SLIT3: variants seen among roughly 807,000 people sequenced by gnomAD.
The protein encoded by SLIT3 is slit homolog 3 protein.
A neutral mutation model predicts 184.0 loss-of-function variants in SLIT3; 68 were observed. The ratio of observed to expected loss-of-function variants is 0.37; its 90% confidence interval spans 0.30 to 0.45. SLIT3 has a LOEUF of 0.45. Among genes scored for constraint, SLIT3 ranks in the 20% least tolerant of loss-of-function variants. SLIT3 has a pLI of 1.00. For synonymous variants in SLIT3, 831 were observed against 828.6 expected (o/e 1.00, Z -0.05); for missense variants, 1,707 against 2,026.0 (o/e 0.84, Z 3.02).
rs1454827807 is a variant in SLIT3, at chr5:168,948,499, C to T, written c.414-65163G>A. ...CACCTGAGAGAAATGATTGTGAGGT[C>T]GGGAGACACTTTGCAAGTCCTTCTG... is the stretch of plus-strand genomic sequence containing the variant. On this transcript the variant is annotated intron_variant, in intron 4 of 35. Coordinates refer to ENST00000519560, the MANE Select transcript of SLIT3 (RefSeq NM_003062.4). Among the ~76,000 whole-genome samples, 4 of 152,204 alleles carry T rather than the reference C, an allele frequency of 2.6e-5. No homozygotes were observed. The South Asian group carries it at 6.2e-4, about 24-fold the overall frequency.
chr5:169,258,380 A>G (rs1448531734), intron 1 of SLIT3, among the ~76,000 whole-genome samples: 2 of 152,218 alleles, frequency 1.3e-5, no homozygotes. Context: ...ACCCTTAGTA[A>G]CTTTGCTTCC....
chr5:169,141,429 T>G (rs1398388126), intron 4 of SLIT3, among the ~76,000 whole-genome samples: 6 of 151,984 alleles, frequency 3.9e-5, no homozygotes, highest in Non-Finnish European at 5.9e-5. Context: ...GTTTTGTTTT[T>G]TTTTTTGTTT....
chr5:169,285,186 G>T (rs1163505138), intron 1 of SLIT3, among the ~76,000 whole-genome samples: 1 of 152,056 alleles, frequency 6.6e-6, no homozygotes, highest in Non-Finnish European at 1.5e-5. Context: ...CAAAGTGCTG[G>T]GATTACAGGT....
chr5:168,872,255 A>G (rs1759549315), intron 5 of SLIT3, among the ~76,000 whole-genome samples: 1 of 152,246 alleles, frequency 6.6e-6, no homozygotes, highest in Non-Finnish European at 1.5e-5. Flanking sequence ...GGAAGGAAGG[A>G]TGAATAGGTG....
chr5:168,872,372 G>A (rs563531365), intron 5 of SLIT3, among the ~76,000 whole-genome samples: 4 of 152,172 alleles, frequency 2.6e-5, no homozygotes, highest in South Asian at 4.1e-4. Flanking sequence ...CAAACCAAAC[G>A]GTGAACTCTA....
intron 4 of SLIT3, among the ~76,000 whole-genome samples, chr5:169,102,647 G>A (rs114361161): frequency 8.3e-4 from 127 of 152,248 alleles, no homozygotes; most frequent in Non-Finnish European, 1.2e-3. Context: ...TGGATACAGA[G>A]GACAAGTGTG....
At chr5:168,901,857 C>T (rs1760883828) in intron 4 of SLIT3, among the ~76,000 whole-genome samples, 1 of 152,088 alleles carries the variant, frequency 6.6e-6, no homozygotes, top group Non-Finnish European at 1.5e-5. Flanking sequence ...TGCCATATGC[C>T]CTGTGACATT....
At chr5:169,194,233 C>CAAAAAAAAAAAAAAAAAAAAAA in intron 3 of SLIT3, among the ~76,000 whole-genome samples, 1 of 61,382 alleles carries the variant, frequency 1.6e-5, no homozygotes, top group Admixed American at 2.7e-4. Flanking sequence ...GACTCTGTCT[C>CAAAAAAAAAAAAAAAAAAAAAA]AAAAAAAAAA....
chr5:168,910,006 T>C (rs1311194314), intron 4 of SLIT3, among the ~76,000 whole-genome samples: 1 of 152,238 alleles, frequency 6.6e-6, no homozygotes, highest in African/African-American at 2.4e-5. Context: ...ATTTCTCTTC[T>C]TGTGAAACAT....
At chr5:169,080,104 G>A (rs1243343812) in intron 4 of SLIT3, among the ~76,000 whole-genome samples, 1 of 152,054 alleles carries the variant, frequency 6.6e-6, no homozygotes, top group African/African-American at 2.4e-5. Flanking sequence ...TAGCTAAGGA[G>A]CAGGTAGGAG....
chr5:168,893,633 A>G (rs1304450752), intron 4 of SLIT3, among the ~76,000 whole-genome samples: 1 of 152,196 alleles, frequency 6.6e-6, no homozygotes, highest in Non-Finnish European at 1.5e-5. Flanking sequence ...CTTTAGAGAG[A>G]TGGCCCAAAT....
intron 4 of SLIT3, among the ~76,000 whole-genome samples, chr5:169,067,196 G>A (rs1474356436): frequency 1.3e-5 from 2 of 152,040 alleles, no homozygotes; most frequent in Non-Finnish European, 2.9e-5. Flanking sequence ...GATCACCTGA[G>A]GTCAGGAGTT....
intron 4 of SLIT3, among the ~76,000 whole-genome samples, chr5:168,924,547 C>T (rs1360251930): frequency 6.6e-6 from 1 of 151,642 alleles, no homozygotes; most frequent in Non-Finnish European, 1.5e-5. Flanking sequence ...TCTGCCTCTG[C>T]CACCCAGGCT....
intron 8 of SLIT3, among the ~76,000 whole-genome samples, chr5:168,816,958 A>T (rs79015568): frequency 0.13 from 19,635 of 152,236 alleles, 1,680 homozygotes; most frequent in East Asian, 0.29. Context: ...CGACAGGAAC[A>T]TGTTTAGCAG....
chr5:168,669,814 C>G lies in SLIT3; in HGVS notation c.4305G>C (p.Gln1435His). Residue 1435 changes from glutamine (Q) to histidine (H), a missense_variant, in exon 35 of 36, where the codon CAG (glutamine) becomes CAC (histidine). By Grantham distance (24) the Gln-to-His change is conservative (BLOSUM62 0). Around this residue, in one of 3 missense-constraint regions of SLIT3, gnomAD observed 387 missense variants for 477.9 expected, o/e 0.81. Transcript: ENST00000519560. ...SDQGEPYCLCQPGFSGEHCQQ... is the reference protein window; with the variant it reads ...SDQGEPYCLCHPGFSGEHCQQ... Reference sequence around the variant, plus strand: ...GGCAGTGCTCGCCGCTAAAGCCGGGCTGGCACAGGCAGTAGGGCTCCCCTT... The same window carrying G: ...GGCAGTGCTCGCCGCTAAAGCCGGGGTGGCACAGGCAGTAGGGCTCCCCTT... 6.2e-7 allele frequency: 1 copy of G among 1,613,976 alleles called. No homozygotes were observed. The highest frequency in any genetic ancestry group is 8.5e-7 in the Non-Finnish European group (1 of 1,180,032).
chr5:169,035,647 G>GGAAAAA (rs1757214503), intron 4 of SLIT3, among the ~76,000 whole-genome samples: 2 of 103,590 alleles, frequency 1.9e-5, no homozygotes, highest in Non-Finnish European at 4.0e-5. Flanking sequence ...ACTGCATCTG[G>GGAAAAA]AAAAAAAAAA....
At chr5:168,767,556 T>C (rs867774637) in intron 14 of SLIT3, among the ~76,000 whole-genome samples, 1 of 152,230 alleles carries the variant, frequency 6.6e-6, no homozygotes, top group African/African-American at 2.4e-5. Flanking sequence ...GACTGGACTT[T>C]AGGTTTCATG....
intron 4 of SLIT3, among the ~76,000 whole-genome samples, chr5:169,077,312 C>T (rs980106893): frequency 5.3e-5 from 8 of 151,892 alleles, no homozygotes; most frequent in African/African-American, 1.2e-4. Flanking sequence ...CTGAGGCGGG[C>T]GGATCACAAG....
chr5:168,986,052 G>A (rs917831496), intron 4 of SLIT3, among the ~76,000 whole-genome samples: 3 of 152,200 alleles, frequency 2.0e-5, no homozygotes, highest in South Asian at 2.1e-4. Flanking sequence ...CCAGCCTCAC[G>A]AAGAAATGCC....
Sources: allele counts gnomAD v4.1 joint callset (sites outside exome capture counted in the v4.1 genomes callset), GRCh38; gene constraint gnomAD v4.1.1; regional missense constraint gnomAD v4.1.1; transcripts MANE v1.5; gene names NCBI Gene and HGNC (gene_info 2026-07-23, HGNC 2026-07-21).